The following RALA variants were observed in gnomAD, a reference collection of about 807,000 sequenced individuals.
RALA encodes RAS like proto-oncogene A.
In RALA, 5 loss-of-function variants were observed where a neutral mutation model predicts 24.0. The observed-to-expected ratio is 0.21, with a 90% CI of 0.11 to 0.44. RALA has a LOEUF of 0.44. RALA is among the 20% of genes least tolerant of loss of function. The pLI, the probability that RALA is intolerant of heterozygous loss-of-function variation, is 0.99. For missense variants in RALA, 95 were observed against 241.2 expected, an observed-to-expected ratio of 0.39 and a Z score of 4.01; for synonymous variants, 77 against 83.8, an observed-to-expected ratio of 0.92 and a Z score of 0.44.
intron 1 of RALA, among the ~76,000 whole-genome samples, chr7:39,638,117 A>G (rs1228896883): frequency 6.6e-6 from 1 of 152,132 alleles, no homozygotes; most frequent in African/African-American, 2.4e-5. Flanking sequence ...TTATTCTGTC[A>G]CTTAGGCTGA....
intron 1 of RALA, among the ~76,000 whole-genome samples, chr7:39,653,157 G>A (rs1271663023): frequency 2.0e-5 from 3 of 151,182 alleles, no homozygotes; most frequent in African/African-American, 2.4e-5. Context: ...AGCCTCCTGA[G>A]TAGCTGGGAT....
chr7:39,648,188 C>A (rs1791960230), intron 1 of RALA, among the ~76,000 whole-genome samples: 1 of 152,164 alleles, frequency 6.6e-6, no homozygotes, highest in African/African-American at 2.4e-5. Context: ...TCAGTCCTCT[C>A]ATTTTACATA....
At position 39,706,429 on chromosome 7, in the gene RALA, C is replaced by T. The variant is rs1426245354; in HGVS notation, c.*184C>T. ...CTTTAAAAAGAAATTAATATGGCTT[C>T]ACCAAGAAGCAAAGTTCAACTTATT... On this transcript the variant is annotated 3_prime_UTR_variant, in exon 5 of 5. Coordinates refer to ENST00000005257, the MANE Select transcript of RALA (RefSeq NM_005402.4). 1 of 563,728 alleles carries T rather than the reference C, an allele frequency of 1.8e-6. No individual in the cohort carries two copies. Among genetic ancestry groups the T allele is most frequent in the African/African-American group, 2.0e-5 (1 of 50,964 alleles). 34.9% of individuals were successfully genotyped at this position (563,728 alleles called of 1,614,324 possible).
intron 1 of RALA, among the ~76,000 whole-genome samples, chr7:39,667,412 A>C (rs1792303618): frequency 6.6e-6 from 1 of 152,238 alleles, no homozygotes; most frequent in Admixed American, 6.5e-5. Flanking sequence ...GAATGAGAAC[A>C]GATGGAGTGA....
Position 39,696,792 on chromosome 7 carries a change from A to T in RALA, c.431A>T (p.Asn144Ile), listed in dbSNP as rs749579357. 6.2e-7 allele frequency: 1 copy of T among 1,614,044 alleles called. No individual in the cohort carries two copies. Among genetic ancestry groups the T allele is most frequent in the South Asian group, 1.1e-5 (1 of 91,054 alleles). Reference sequence around the variant, plus strand: ...CAGGTTTCTGTAGAAGAGGCAAAAAACAGAGCTGAGCAGTGGAATGTTAAC... The same window carrying T: ...CAGGTTTCTGTAGAAGAGGCAAAAATCAGAGCTGAGCAGTGGAATGTTAAC... ...KRQVSVEEAKNRAEQWNVNYV... is the reference protein window; with the variant it reads ...KRQVSVEEAKIRAEQWNVNYV... Residue 144 changes from asparagine (N) to isoleucine (I), a missense_variant, in exon 4 of 5, where the codon AAC becomes ATC. Coordinates refer to ENST00000005257, the MANE Select transcript of RALA (RefSeq NM_005402.4).
intron 4 of RALA, chr7:39,700,888 A>ACT (rs1793015031): frequency 6.6e-6 from 1 of 152,064 alleles, no homozygotes; most frequent in Non-Finnish European, 1.5e-5. Context: ...TGGCTACATA[A>ACT]AAGTCATTTG....
At chr7:39,697,738 C>A (rs1184423770) in intron 4 of RALA, among the ~76,000 whole-genome samples, 1 of 152,066 alleles carries the variant, frequency 6.6e-6, no homozygotes, top group African/African-American at 2.4e-5. Flanking sequence ...AGATTTATAA[C>A]CCTGATCCAG....
At chr7:39,684,713 A>G (rs954573964) in intron 1 of RALA, among the ~76,000 whole-genome samples, 1 of 56,774 alleles carries the variant, frequency 1.8e-5, no homozygotes. Context: ...CTGATGAGCT[A>G]AAAAAAAAAA....
At chr7:39,700,926 G>A (rs187433073) in intron 4 of RALA, 1 of 152,164 alleles carries the variant, frequency 6.6e-6, no homozygotes, top group Admixed American at 6.5e-5. Context: ...CCAGAATTAG[G>A]TTATACTTGT....
intron 4 of RALA, among the ~76,000 whole-genome samples, chr7:39,702,028 G>A (rs1228032131): frequency 1.3e-5 from 2 of 152,182 alleles, no homozygotes; most frequent in Non-Finnish European, 1.5e-5. Flanking sequence ...GATGTCCAAA[G>A]GGGCAGTGTG....
In RALA at chr7:39,630,204, T is replaced by G. The variant is rs905368039; in HGVS notation, c.-38+6379T>G. ...AATTATAGGTGCATGCCACCATGCCTTGCTAATTTTTTTTTTTTTTTTTTT... is the reference window on the plus strand; with the variant it reads ...AATTATAGGTGCATGCCACCATGCCGTGCTAATTTTTTTTTTTTTTTTTTT... On this transcript the variant is annotated intron_variant, in intron 1 of 4. Coordinates refer to ENST00000005257, the MANE Select transcript of RALA (RefSeq NM_005402.4). Among the ~76,000 whole-genome samples the G allele has an allele frequency of 3.5e-5, 5 of 142,820 alleles. No homozygotes were observed. In the South Asian group the frequency reaches 6.7e-4, roughly 19 times the overall value. The allele number at this position is 142,820 out of a possible 152,430, so 93.7% of individuals were successfully genotyped here. A position where few individuals can be genotyped will look rare whatever the true frequency, so the allele number is the denominator to read the frequency against.
intron 1 of RALA, among the ~76,000 whole-genome samples, chr7:39,682,228 C>G (rs757554763): frequency 6.6e-6 from 1 of 152,214 alleles, no homozygotes; most frequent in Non-Finnish European, 1.5e-5. Flanking sequence ...GTGCCTTGCA[C>G]TTAGTGAGTG....
intron 2 of RALA, 63 bp from the exon 3 acceptor site, chr7:39,690,319 T>G: frequency 7.1e-7 from 1 of 1,411,824 alleles, no homozygotes; most frequent in Admixed American, 2.0e-5. Flanking sequence ...GAATTTATAA[T>G]TATTTCAAAA....
In RALA at chr7:39,643,534, G is replaced by A. The variant is rs112373190; in HGVS notation, c.-38+19709G>A. 5.9e-5 allele frequency among the ~76,000 whole-genome samples: 9 copies of A among 151,316 alleles called. No individual in the cohort carries two copies. The South Asian group carries it at 1.0e-3, about 18-fold the overall frequency. ...TCAGGAGTTCGAGACTAGCCTGGCC[G>A]ACATGGCAAAATCCCCTCTCTACTA... On this transcript the variant is annotated intron_variant, in intron 1 of 4. Coordinates refer to ENST00000005257, the MANE Select transcript of RALA (RefSeq NM_005402.4).
chr7:39,624,924 G>A (rs1439415398), intron 1 of RALA, among the ~76,000 whole-genome samples: 2 of 152,122 alleles, frequency 1.3e-5, no homozygotes, highest in African/African-American at 2.4e-5. Context: ...ATTAGCTCAT[G>A]TTTTTCTGTC....
At chr7:39,675,040 G>C (rs1188321386) in intron 1 of RALA, among the ~76,000 whole-genome samples, 2 of 152,040 alleles carry the variant, frequency 1.3e-5, no homozygotes, top group African/African-American at 4.8e-5. Context: ...TGGCCAGGCT[G>C]CTCTCAAACT....
intron 1 of RALA, among the ~76,000 whole-genome samples, chr7:39,659,353 A>T (rs1792147346): frequency 6.6e-6 from 1 of 152,220 alleles, no homozygotes; most frequent in African/African-American, 2.4e-5. Context: ...GAAAAATATA[A>T]GTGCTACAAG....
At chr7:39,702,765 A>C (rs190252252) in intron 4 of RALA, among the ~76,000 whole-genome samples, 31 of 152,382 alleles carry the variant, frequency 2.0e-4, no homozygotes, top group African/African-American at 7.2e-4. Context: ...ACAGGCAGTT[A>C]AACACTGCAT....
intron 1 of RALA, among the ~76,000 whole-genome samples, chr7:39,636,162 T>A (rs551493117): frequency 1.8e-4 from 28 of 152,248 alleles, no homozygotes; most frequent in Non-Finnish European, 2.9e-4. Context: ...AATGTTGACA[T>A]GAACATTGAT....
Sources: gnomAD v4.1 joint callset for allele counts (sites outside exome capture counted in the v4.1 genomes callset) on GRCh38, gnomAD v4.1.1 for gene constraint, MANE v1.5 for transcripts, NCBI Gene and HGNC (gene_info 2026-07-23, HGNC 2026-07-21) for gene names.